Variants in STAB2 observed in about 807,000 individuals in gnomAD.
The protein encoded by STAB2 is stabilin 2.
A neutral mutation model predicts 338.1 loss-of-function variants in STAB2; 288 were observed. That is an observed-to-expected ratio of 0.85 (90% CI 0.77 to 0.94). STAB2 has a LOEUF of 0.94. STAB2 is among the 40% of genes least tolerant of loss of function. STAB2 has a pLI of 0.00. For synonymous variants in STAB2, 1,202 were observed against 1,193.3 expected (o/e 1.01, Z -0.15); for missense variants, 3,141 against 3,210.1 (o/e 0.98, Z 0.52).
chr12:103,755,492 G>C, intron 62 of STAB2, 25 bp downstream of exon 62: 9 of 1,611,906 alleles, frequency 5.6e-6, no homozygotes, highest in Non-Finnish European at 7.6e-6. Flanking sequence ...TACACTTCAG[G>C]TTCTGGGCCA....
intron 19 of STAB2, 128 bp from the exon 20 acceptor site, chr12:103,668,515 G>T: frequency 1.2e-6 from 1 of 826,170 alleles, no homozygotes; most frequent in Non-Finnish European, 2.0e-6. Context: ...TGCTAGTGTG[G>T]TCCAGCACTC....
chr12:103,621,925 G>A, intron 4 of STAB2, 117 bp from the exon 5 acceptor site: 3 of 869,148 alleles, frequency 3.5e-6, no homozygotes, highest in South Asian at 1.7e-5. Flanking sequence ...GAAGCTCCAG[G>A]ATAGGCACAG....
At chr12:103,764,645 C>T (rs1201480372) in intron 68 of STAB2, among the ~76,000 whole-genome samples, 1 of 151,648 alleles carries the variant, frequency 6.6e-6, no homozygotes, top group Non-Finnish European at 1.5e-5. Flanking sequence ...TATAGTGTAA[C>T]AGATATTATT....
In STAB2 at chr12:103,670,827, C is replaced by T. The variant is rs1470593337; in HGVS notation, c.2371+20C>T. The stretch of plus-strand genomic sequence containing the variant: ...ACAAAAGTAAGTGGCACTTCCAGAG[C>T]TTCCTTCCACTCCTAAGCAAGGTTC... On this transcript the variant is annotated intron_variant, in intron 22 of 68. Coordinates refer to ENST00000388887, the MANE Select transcript of STAB2 (RefSeq NM_017564.10). 2 of 1,592,134 alleles carry T rather than the reference C, an allele frequency of 1.3e-6. No individual in the cohort carries two copies. The highest frequency in any genetic ancestry group is 3.4e-5 in the Admixed American group (2 of 59,306).
In STAB2 at chr12:103,753,346, C is replaced by A; in HGVS notation, c.6707C>A (p.Ala2236Asp). Residue 2236 changes from alanine to aspartate, a missense_variant, in exon 61 of 69, where the codon GCC (alanine) becomes GAC (aspartate). By Grantham distance (126) the Ala-to-Asp change is moderately radical. Coordinates refer to ENST00000388887, the MANE Select transcript of STAB2 (RefSeq NM_017564.10). ...GCAACCTACAACCAGCTCTCCTATG[C>A]CCAGAAGGTGGGTCTTCAGTTAGCA... ...TMATYNQLSY[A>D]QKAKYHLCSA... 2.5e-6 allele frequency: 4 copies of A among 1,614,226 alleles called. 1 individual carries two copies. The South Asian group carries it at 4.4e-5, about 18-fold the overall frequency.
At chr12:103,663,611 G>A (rs549422979) in intron 18 of STAB2, among the ~76,000 whole-genome samples, 6 of 152,224 alleles carry the variant, frequency 3.9e-5, no homozygotes, top group African/African-American at 1.4e-4. Flanking sequence ...GCCTCCCAAA[G>A]TGCTGGGATT....
rs1350334318 is a variant in STAB2 at position 103,757,014 on chromosome 12, TATATATATATATATATAAA to T, written c.6988-1145_6988-1127del. Among the ~76,000 whole-genome samples, 7 of 141,544 alleles carry T rather than the reference TATATATATATATATATAAA, an allele frequency of 4.9e-5. No homozygotes were observed. The East Asian group carries it at 8.4e-4, about 17-fold the overall frequency. 92.9% of individuals were successfully genotyped at this position (141,544 alleles called of 152,430 possible). A position where few individuals can be genotyped will look rare whatever the true frequency, so the allele number is the denominator to read the frequency against. ...GAGGGAAAATATATATATATATATA[TATATATATATATATATAAA>T]ATATATATATTAAAGTATGTAAATA... On this transcript the variant is annotated intron_variant, in intron 63 of 68. Transcript: ENST00000388887.
chr12:103,601,881 A>G (rs703605), intron 3 of STAB2, among the ~76,000 whole-genome samples: 119,665 of 152,176 alleles, frequency 0.79, 47,340 homozygotes, highest in East Asian at 1. Flanking sequence ...CTAAATAGAA[A>G]TGGAATTTAA....
rs1040965618 is a variant in STAB2, at chr12:103,620,489, C to T, written c.353C>T (p.Ser118Leu). The T allele has an allele frequency of 1.3e-6, 2 of 1,584,558 alleles. No individual in the cohort carries two copies. Among genetic ancestry groups the T allele is most frequent in the Non-Finnish European group, 1.7e-6 (2 of 1,163,942 alleles). Residue 118 changes from serine to leucine, a missense_variant, in exon 4 of 69, where the codon TCA (serine) becomes TTA (leucine). Ser to Leu is a moderately radical substitution (Grantham distance 145). Coordinates refer to ENST00000388887, the MANE Select transcript of STAB2 (RefSeq NM_017564.10). Reference protein sequence around the residue: ...DCIECPGGAGSPCNGRGSCAE... With the variant: ...DCIECPGGAGLPCNGRGSCAE... The stretch of plus-strand genomic sequence containing the variant: ...CTAGAGTGCCCAGGTGGAGCGGGGT[C>T]ACCCTGCAATGGCAGAGGCAGTTGT...
chr12:103,605,811 G>T (rs926843963), intron 3 of STAB2, among the ~76,000 whole-genome samples: 3 of 151,880 alleles, frequency 2.0e-5, no homozygotes, highest in African/African-American at 7.3e-5. Flanking sequence ...TAATGTTAGT[G>T]TGCTTTTTTC....
chr12:103,712,470 G>A (rs1593270649), intron 41 of STAB2, 27 bp downstream of exon 41: 1 of 1,587,728 alleles, frequency 6.3e-7, no homozygotes, highest in East Asian at 2.2e-5. Context: ...ATTTGCTGGG[G>A]GGGCTGGCAA....
chr12:103,676,079 T>TTC, intron 24 of STAB2, 58 bp downstream of exon 24: 1 of 1,101,616 alleles, frequency 9.1e-7, no homozygotes, highest in Non-Finnish European at 1.3e-6. Flanking sequence ...TTTTTTTTTT[T>TTC]GAGACAGAGT....
intron 40 of STAB2, 130 bp downstream of exon 40, chr12:103,711,646 T>C: frequency 9.4e-7 from 1 of 1,063,886 alleles, no homozygotes; most frequent in Non-Finnish European, 1.4e-6. Context: ...TAAACTTGAG[T>C]ATGAAACTAA....
chr12:103,645,739 A>T (rs1873278685), intron 9 of STAB2, among the ~76,000 whole-genome samples: 1 of 152,220 alleles, frequency 6.6e-6, no homozygotes, highest in African/African-American at 2.4e-5. Context: ...CTAATTCCTT[A>T]TAAAAAGGTT....
chr12:103,629,664 T>A lies in STAB2; in HGVS notation c.488-1934T>A, dbSNP rs559386556. 1.7e-4 allele frequency among the ~76,000 whole-genome samples: 26 copies of A among 152,322 alleles called. No individual in the cohort carries two copies. In the South Asian group the frequency reaches 5.0e-3, roughly 29 times the overall value. On this transcript the variant is annotated intron_variant, in intron 5 of 68. Transcript: ENST00000388887. Reference sequence around the variant, plus strand: ...AGCCTGGAGGTGTGAACGTGCAAGATGCATTTCCTGCTGCTTCCACCTGGC... The same window carrying A: ...AGCCTGGAGGTGTGAACGTGCAAGAAGCATTTCCTGCTGCTTCCACCTGGC...
In STAB2 at chr12:103,749,087, G is replaced by A. The variant is rs1303883271; in HGVS notation, c.6369G>A (p.Glu2123=). 1.2e-6 allele frequency: 2 copies of A among 1,614,166 alleles called. No homozygotes were observed. The highest frequency in any genetic ancestry group is 2.7e-5 in the African/African-American group (2 of 75,060). ...AAGGGGACGGGCACAGCTGCACAGA[G>A]ATAGACCCCTGTGCAGACGGCCTTA... is the stretch of plus-strand genomic sequence containing the variant. ...GYKGDGHSCT[E]IDPCADGLNG... The change falls in exon 59 of 69, where the codon GAG becomes GAA. Residue 2123 remains glutamate, a synonymous_variant. Transcript: ENST00000388887.
intron 63 of STAB2, among the ~76,000 whole-genome samples, chr12:103,757,293 G>T (rs890381159): frequency 3.3e-5 from 5 of 151,866 alleles, no homozygotes; most frequent in Non-Finnish European, 5.9e-5. Context: ...TTACTATGTT[G>T]CCCAGGCTGG....
intron 42 of STAB2, among the ~76,000 whole-genome samples, chr12:103,714,004 C>T (rs1464812737): frequency 1.3e-5 from 2 of 152,250 alleles, no homozygotes; most frequent in East Asian, 1.9e-4. Flanking sequence ...AACATCATGG[C>T]GATGACAGAA....
At chr12:103,667,067 A>G (rs1809783) in intron 19 of STAB2, among the ~76,000 whole-genome samples, 50,621 of 152,152 alleles carry the variant, frequency 0.33, 9,359 homozygotes, top group East Asian at 0.47. Flanking sequence ...ATTTTTGCCT[A>G]TAAGTTTATC....
Sources: gnomAD v4.1 joint callset for allele counts (sites outside exome capture counted in the v4.1 genomes callset) on GRCh38, gnomAD v4.1.1 for gene constraint, MANE v1.5 for transcripts, NCBI Gene and HGNC (gene_info 2026-07-23, HGNC 2026-07-21) for gene names.